Variants in MYOT observed in about 807,000 individuals in gnomAD.
The protein encoded by MYOT is myotilin, also known as 57 kDa cytoskeletal protein.
Under a neutral mutation model 58.0 loss-of-function variants are expected in MYOT, and 36 were observed. The ratio of observed to expected loss-of-function variants is 0.62; its 90% CI spans 0.48 to 0.82. The LOEUF (loss-of-function observed/expected upper bound fraction) is 0.82, where lower values mean the gene tolerates loss of function less well. Among genes scored for constraint, MYOT ranks in the 40% least tolerant of loss-of-function variants. The pLI is 0.00. For synonymous variants in MYOT, 218 were observed against 204.6 expected (o/e 1.07, Z -0.56); for missense variants, 505 against 592.1 (o/e 0.85, Z 1.53).
chr5:137,870,849 C>G lies in MYOT; in HGVS notation c.198C>G (p.Ser66=), dbSNP rs960309994. 1.9e-6 allele frequency: 3 copies of G among 1,614,076 alleles called. No individual in the cohort carries two copies. In the African/African-American group the frequency reaches 4.0e-5, roughly 22 times the overall value. The change falls in exon 2 of 10, where the codon TCC becomes TCG. Residue 66 remains serine, a synonymous_variant. Transcript: ENST00000239926. ...STLSSHITMS[S]SAFPASPQQH... ...TGAGCTCTCACATCACCATGTCCTC[C>G]TCTGCTTTCCCTGCTTCTCCCCAGC...
rs1334005518 is a variant in MYOT at position 137,870,926 on chromosome 5, C to T, written c.275C>T (p.Ser92Phe). 6.2e-7 allele frequency: 1 copy of T among 1,614,114 alleles called. No homozygotes were observed. The highest frequency in any genetic ancestry group is 8.5e-7 in the Non-Finnish European group (1 of 1,180,048). Reference sequence around the variant, plus strand: ...AGGGTTACAACCACCTATAACCAGTCCCCAGCCAGCTTCCTCAGCTCCATA... The same window carrying T: ...AGGGTTACAACCACCTATAACCAGTTCCCAGCCAGCTTCCTCAGCTCCATA... ...GQRVTTTYNQ[S>F]PASFLSSILP... The change falls in exon 2 of 10, where the codon TCC becomes TTC. Residue 92 changes from serine to phenylalanine, a missense_variant. Coordinates refer to ENST00000239926, the MANE Select transcript of MYOT (RefSeq NM_006790.3).
Position 137,870,627 on chromosome 5 carries a change from T to C in MYOT, c.-25T>C. ...CAAATCATTATAGTAATAATTTGCC[T>C]TCATCTTCCATATACCAACTAAGCA... On this transcript the variant is annotated 5_prime_UTR_variant, in exon 2 of 10. Coordinates refer to ENST00000239926, the MANE Select transcript of MYOT (RefSeq NM_006790.3). 1 of 1,598,430 alleles carries C rather than the reference T, an allele frequency of 6.3e-7. No homozygotes were observed. The highest frequency in any genetic ancestry group is 8.6e-7 in the Non-Finnish European group (1 of 1,165,752).
Position 137,883,495 on chromosome 5 carries a change from T to C in MYOT, c.928T>C (p.Phe310Leu), listed in dbSNP as rs1755503548. 1.2e-6 allele frequency: 2 copies of C among 1,614,084 alleles called. No homozygotes were observed. Among genetic ancestry groups the C allele is most frequent in the Non-Finnish European group, 8.5e-7 (1 of 1,180,030 alleles). Residue 310 changes from phenylalanine to leucine, a missense_variant, in exon 7 of 10, where the codon TTT becomes CTT. Phe to Leu is a conservative substitution (Grantham distance 22). Transcript: ENST00000239926. Reference protein sequence around the residue: ...VSEKGLHSLIFEVVRASDAGA... With the variant: ...VSEKGLHSLILEVVRASDAGA... The stretch of plus-strand genomic sequence containing the variant: ...TGAGAAGGGTCTTCATTCACTCATC[T>C]TTGAAGTAGTCAGAGCTTCAGATGC...
chr5:137,872,887 A>G (rs1580849839), intron 2 of MYOT, among the ~76,000 whole-genome samples: 2 of 152,302 alleles, frequency 1.3e-5, no homozygotes, highest in Non-Finnish European at 2.9e-5. Flanking sequence ...CAGTGCTTCA[A>G]TTTTCTGGTC....
Position 137,886,125 on chromosome 5 carries a change from C to G in MYOT, c.1102C>G (p.Leu368Val), listed in dbSNP as rs747319274. 1 of 1,611,204 alleles carries G rather than the reference C, an allele frequency of 6.2e-7. No individual in the cohort carries two copies. The highest frequency in any genetic ancestry group is 2.2e-5 in the East Asian group (1 of 44,742). The change falls in exon 8 of 10, where the codon CTA becomes GTA. Residue 368 changes from leucine (L) to valine (V), a missense_variant. Transcript: ENST00000239926. ...KKVLEGDSVK[L>V]ECQISAIPPP... ...AGTTTTAGAGGGAGATTCAGTGAAA[C>G]TAGAATGCCAGATCTCGGCTATACC...
chr5:137,881,877 C>T, intron 5 of MYOT, 96 bp from the exon 6 acceptor site: 1 of 1,358,596 alleles, frequency 7.4e-7, no homozygotes, highest in Admixed American at 1.7e-5. Flanking sequence ...AGTGAAACTC[C>T]ATTGAAAAAA....
intron 3 of MYOT, among the ~76,000 whole-genome samples, chr5:137,877,051 T>A (rs1344640936): frequency 4.0e-5 from 6 of 148,574 alleles, no homozygotes. Flanking sequence ...ATGCTTTGAA[T>A]GGAAGAAAAG....
At chr5:137,882,154 T>C (rs746447716) in intron 6 of MYOT, 49 bp downstream of exon 6, 10 of 1,599,402 alleles carry the variant, frequency 6.3e-6, no homozygotes, top group Non-Finnish European at 7.7e-6. Flanking sequence ...AATGGGATAC[T>C]AAGTTTTGAA....
At chr5:137,875,025 A>C (rs1294771819) in intron 2 of MYOT, among the ~76,000 whole-genome samples, 1 of 152,224 alleles carries the variant, frequency 6.6e-6, no homozygotes, top group East Asian at 1.9e-4. Flanking sequence ...TTTCCACCAC[A>C]ACCAATTTCA....
intron 6 of MYOT, among the ~76,000 whole-genome samples, chr5:137,882,472 AG>A (rs1023856871): frequency 6.6e-6 from 1 of 150,952 alleles, no homozygotes; most frequent in African/African-American, 2.4e-5. Context: ...TTTTTGAGAC[AG>A]GGTCTTGCTC....
At chr5:137,882,235 C>T in intron 6 of MYOT, 130 bp downstream of exon 6, 1 of 1,050,174 alleles carries the variant, frequency 9.5e-7, no homozygotes, top group East Asian at 2.5e-5. Flanking sequence ...ATTCTGAAGT[C>T]AAACTGATGT....
At chr5:137,876,965 C>T (rs1348193339) in intron 3 of MYOT, among the ~76,000 whole-genome samples, 1 of 151,858 alleles carries the variant, frequency 6.6e-6, no homozygotes, top group Non-Finnish European at 1.5e-5. Context: ...TTATGCTTGC[C>T]TGTCATAGGA....
chr5:137,880,689 T>G, intron 4 of MYOT, 127 bp from the exon 5 acceptor site: 1 of 764,242 alleles, frequency 1.3e-6, no homozygotes, highest in Non-Finnish European at 2.3e-6. Flanking sequence ...GCTGAATATA[T>G]AGAACTTACC....
At chr5:137,872,178 C>T (rs1005207239) in intron 2 of MYOT, among the ~76,000 whole-genome samples, 4 of 152,038 alleles carry the variant, frequency 2.6e-5, no homozygotes, top group Non-Finnish European at 5.9e-5. Context: ...TGTTTTTGAC[C>T]TACAAAAATG....
intron 3 of MYOT, among the ~76,000 whole-genome samples, 153 bp from the exon 4 acceptor site, chr5:137,877,367 C>CAAAAAA (rs1172576383): frequency 4.0e-4 from 17 of 42,000 alleles, no homozygotes; most frequent in Non-Finnish European, 6.2e-4. Flanking sequence ...GACTCCGTCT[C>CAAAAAA]AAAAAAAAAA....
At position 137,868,002 on chromosome 5, in the gene MYOT, T is replaced by C. The variant is rs147965693; in HGVS notation, c.-212+49T>C. On this transcript the variant is annotated intron_variant, in intron 1 of 9. Coordinates refer to ENST00000239926, the MANE Select transcript of MYOT (RefSeq NM_006790.3). ...TACACTTTTAGGTCTTGTTTTTGTTTTTTGTCCAAATCAGATGAGTGTATA... is the reference window on the plus strand; with the variant it reads ...TACACTTTTAGGTCTTGTTTTTGTTCTTTGTCCAAATCAGATGAGTGTATA... The C allele has an allele frequency of 2.4e-4, 36 of 152,326 alleles. No individual in the cohort carries two copies. In the East Asian group the frequency reaches 5.6e-3, roughly 24 times the overall value. 9.4% of individuals were successfully genotyped at this position (152,326 alleles called of 1,614,324 possible). A position where few individuals can be genotyped will look rare whatever the true frequency, so the allele number is the denominator to read the frequency against.
intron 4 of MYOT, among the ~76,000 whole-genome samples, chr5:137,879,695 T>G (rs1463441305): frequency 3.4e-5 from 5 of 145,554 alleles, no homozygotes; most frequent in Non-Finnish European, 7.6e-5. Flanking sequence ...CGGCTTTTTT[T>G]TTTTTTTTTT....
intron 1 of MYOT, 70 bp downstream of exon 1, chr5:137,868,023 G>A (rs1004795491): frequency 1.3e-5 from 2 of 151,682 alleles, no homozygotes; most frequent in African/African-American, 4.8e-5. Flanking sequence ...TCAGATGAGT[G>A]TATACAAAGA....
intron 3 of MYOT, 42 bp downstream of exon 3, chr5:137,876,045 A>G (rs1237911064): frequency 1.1e-5 from 18 of 1,593,968 alleles, no homozygotes; most frequent in Non-Finnish European, 1.5e-5. Context: ...CAATTAAACT[A>G]TAAAATCTAA....
Sources: allele counts gnomAD v4.1 joint callset (sites outside exome capture counted in the v4.1 genomes callset), GRCh38; gene constraint gnomAD v4.1.1; transcripts MANE v1.5; gene names NCBI Gene and HGNC (gene_info 2026-07-23, HGNC 2026-07-21).